Variants in PYGO1 observed in about 807,000 individuals in gnomAD.
The protein encoded by PYGO1 is pygopus homolog 1.
A neutral mutation model predicts 29.5 loss-of-function variants in PYGO1; 6 were observed. That is an observed-to-expected ratio of 0.20 (90% CI 0.11 to 0.40). The LOEUF (loss-of-function observed/expected upper bound fraction) is 0.40, where lower values mean the gene tolerates loss of function less well. PYGO1 is among the 10% of genes least tolerant of loss of function. The pLI is 1.00. For missense variants in PYGO1, 515 were observed against 514.9 expected (o/e 1.00, Z 0.00); for synonymous variants, 186 against 180.5 (o/e 1.03, Z -0.24).
At chr15:55,582,615 G>C (rs1278982102) in intron 1 of PYGO1, among the ~76,000 whole-genome samples, 1 of 151,944 alleles carries the variant, frequency 6.6e-6, no homozygotes, top group East Asian at 1.9e-4. Context: ...GCATTAATTA[G>C]TATTTATCTG....
intron 1 of PYGO1, among the ~76,000 whole-genome samples, chr15:55,573,008 TAA>T (rs35553781): frequency 1.4e-3 from 190 of 137,610 alleles, no homozygotes; most frequent in Non-Finnish European, 1.7e-3. Flanking sequence ...ACTCTGTCTT[TAA>T]AAAAAAAAAA....
chr15:55,549,397 G>A (rs150017397), intron 1 of PYGO1, among the ~76,000 whole-genome samples: 133 of 152,252 alleles, frequency 8.7e-4, no homozygotes, highest in African/African-American at 3.0e-3. Context: ...AGTACACACA[G>A]TGTACCTTGC....
intron 1 of PYGO1, among the ~76,000 whole-genome samples, chr15:55,569,129 G>A (rs981016546): frequency 6.6e-6 from 1 of 151,940 alleles, no homozygotes; most frequent in Non-Finnish European, 1.5e-5. Flanking sequence ...AATGAGTAAG[G>A]AAGGAGTTCC....
chr15:55,583,438 T>C (rs1056814217), intron 1 of PYGO1, among the ~76,000 whole-genome samples: 2 of 152,160 alleles, frequency 1.3e-5, no homozygotes, highest in African/African-American at 4.8e-5. Context: ...GCTATGTCTT[T>C]CTGTCTACCA....
At chr15:55,576,563 G>C (rs187322563) in intron 1 of PYGO1, among the ~76,000 whole-genome samples, 8,080 of 149,814 alleles carry the variant, frequency 0.054, 270 homozygotes, top group Non-Finnish European at 0.068. Flanking sequence ...CTGAGGTCAG[G>C]AGTTTCAGAC....
intron 1 of PYGO1, among the ~76,000 whole-genome samples, chr15:55,571,210 A>T (rs1017908518): frequency 6.6e-6 from 1 of 152,326 alleles, no homozygotes; most frequent in Non-Finnish European, 1.5e-5. Context: ...GTGGCTGAAT[A>T]ATATTCCATG....
intron 1 of PYGO1, among the ~76,000 whole-genome samples, chr15:55,563,390 G>A (rs905963236): frequency 2.2e-5 from 3 of 138,522 alleles, no homozygotes; most frequent in Admixed American, 7.6e-5. Context: ...TTTTTGAGAC[G>A]AAGTCTTGCT....
intron 1 of PYGO1, among the ~76,000 whole-genome samples, chr15:55,583,409 C>G: frequency 6.7e-6 from 1 of 150,216 alleles, no homozygotes; most frequent in East Asian, 1.9e-4. Context: ...TTTCTCTTGA[C>G]TATCTTTTTA....
rs760526739 is a variant in PYGO1 at position 55,547,029 on chromosome 15, G to C, written c.254C>G (p.Pro85Arg). ...NYNTISYKPL[P>R]SSNPYLGPGY... ...AGGGCCAAGATATGGATTTGACGAA[G>C]GTAGTGGTTTATAGGAAATAGTATT... The change falls in exon 3 of 3, where the codon CCT becomes CGT. Residue 85 changes from proline (P) to arginine (R), a missense_variant. Coordinates refer to ENST00000563719, the MANE Select transcript of PYGO1 (RefSeq NM_001367806.1). 6.2e-7 allele frequency: 1 copy of C among 1,613,960 alleles called. No individual in the cohort carries two copies. Among genetic ancestry groups the C allele is most frequent in the Non-Finnish European group, 8.5e-7 (1 of 1,179,902 alleles).
rs2059059281 is a variant in PYGO1 at position 55,588,312 on chromosome 15, G to A, written c.-429C>T. 6.7e-6 allele frequency among the ~76,000 whole-genome samples: 1 copy of A among 148,720 alleles called. No homozygotes were observed. The highest frequency in any genetic ancestry group is 6.7e-5 in the Admixed American group (1 of 14,992). The stretch of plus-strand genomic sequence containing the variant: ...ACTCACAGCGCCCTCTGAGGAGGAG[G>A]TCTGCTCTCTCGCCGCTCCCGAGTC... On this transcript the variant is annotated 5_prime_UTR_variant, in exon 1 of 3. Coordinates refer to ENST00000563719, the MANE Select transcript of PYGO1 (RefSeq NM_001367806.1).
chr15:55,560,859 G>A (rs769385527), intron 1 of PYGO1, among the ~76,000 whole-genome samples: 43 of 152,256 alleles, frequency 2.8e-4, no homozygotes, highest in Non-Finnish European at 5.9e-4. Flanking sequence ...CTACTCGGGA[G>A]GCTGAGGCAG....
chr15:55,572,640 TCATA>T, intron 1 of PYGO1, among the ~76,000 whole-genome samples: 1 of 151,984 alleles, frequency 6.6e-6, no homozygotes. Flanking sequence ...TATTTGCAAA[TCATA>T]TATCTCTTAA....
At chr15:55,559,167 G>A (rs1040457407) in intron 1 of PYGO1, among the ~76,000 whole-genome samples, 3 of 152,126 alleles carry the variant, frequency 2.0e-5, no homozygotes, top group Non-Finnish European at 4.4e-5. Flanking sequence ...AAACGCGGGT[G>A]AAGGATATGA....
At chr15:55,571,402 A>G (rs191736483) in intron 1 of PYGO1, among the ~76,000 whole-genome samples, 1 of 152,310 alleles carries the variant, frequency 6.6e-6, no homozygotes, top group Non-Finnish European at 1.5e-5. Context: ...TGGAGAGTTT[A>G]TCCTATGATA....
At chr15:55,553,783 G>C (rs1337047224) in intron 1 of PYGO1, among the ~76,000 whole-genome samples, 1 of 152,078 alleles carries the variant, frequency 6.6e-6, no homozygotes, top group Non-Finnish European at 1.5e-5. Flanking sequence ...CCAGCAATAG[G>C]TCAGGACTGC....
At chr15:55,576,510 C>A (rs1595993125) in intron 1 of PYGO1, among the ~76,000 whole-genome samples, 1 of 136,752 alleles carries the variant, frequency 7.3e-6, no homozygotes, top group South Asian at 2.5e-4. Flanking sequence ...GTGGCTCATG[C>A]CTGTAATCCC....
At chr15:55,588,775 G>T (rs747145375), upstream of PYGO1, 12 of 1,610,056 alleles carry the variant, frequency 7.5e-6, no homozygotes, top group Non-Finnish European at 1.0e-5. Context: ...TCTCGGCCTC[G>T]CAGCTAGGGA....
intron 1 of PYGO1, among the ~76,000 whole-genome samples, chr15:55,552,347 C>A (rs1159860875): frequency 8.6e-6 from 1 of 116,880 alleles, no homozygotes. Flanking sequence ...GGCAAAAGAG[C>A]GAGACTCTGT....
intron 1 of PYGO1, among the ~76,000 whole-genome samples, chr15:55,580,918 T>C (rs528308207): frequency 1.5e-4 from 23 of 152,352 alleles, no homozygotes; most frequent in African/African-American, 5.3e-4. Flanking sequence ...GGAAGACTAA[T>C]GACTTGAAGT....
Sources: gnomAD v4.1 joint callset for allele counts (sites outside exome capture counted in the v4.1 genomes callset) on GRCh38, gnomAD v4.1.1 for gene constraint, MANE v1.5 for transcripts, NCBI Gene and HGNC (gene_info 2026-07-23, HGNC 2026-07-21) for gene names.